SLC39A12: variants seen among roughly 807,000 people sequenced by gnomAD.
SLC39A12 encodes the protein zinc transporter ZIP12.
A neutral mutation model predicts 71.1 loss-of-function variants in SLC39A12; 63 were observed. The ratio of observed to expected loss-of-function variants is 0.89; its 90% CI spans 0.72 to 1.09. SLC39A12 has a LOEUF of 1.09. Ranked by LOEUF, SLC39A12 falls within the 50% of genes least tolerant of loss-of-function variation. SLC39A12 has a pLI of 0.00. For synonymous variants in SLC39A12, 351 were observed against 301.3 expected, an observed-to-expected ratio of 1.16 and a Z score of -1.71; for missense variants, 892 against 812.6, an observed-to-expected ratio of 1.10 and a Z score of -1.19.
chr10:18,000,876 C>T, intron 11 of SLC39A12, 51 bp downstream of exon 11: 2 of 1,531,456 alleles, frequency 1.3e-6, no homozygotes, highest in South Asian at 2.3e-5. Flanking sequence ...AAAGAAATAA[C>T]ATCTTTCCAG....
At chr10:17,975,752 C>T (rs986455206) in intron 4 of SLC39A12, among the ~76,000 whole-genome samples, 23 of 152,122 alleles carry the variant, frequency 1.5e-4, no homozygotes, top group African/African-American at 2.2e-4. Flanking sequence ...TAAAAGTCGC[C>T]GTCCTTGTGG....
intron 4 of SLC39A12, among the ~76,000 whole-genome samples, chr10:17,969,520 T>G (rs1168025139): frequency 6.6e-6 from 1 of 152,214 alleles, no homozygotes; most frequent in Non-Finnish European, 1.5e-5. Flanking sequence ...GTAGTTTTGA[T>G]TTGCATTTCT....
intron 4 of SLC39A12, among the ~76,000 whole-genome samples, chr10:17,975,587 G>C (rs1041724278): frequency 6.6e-6 from 1 of 151,938 alleles, no homozygotes; most frequent in Non-Finnish European, 1.5e-5. Flanking sequence ...CATTCCTTAA[G>C]TGGAAGTAAG....
chr10:17,970,689 TGTG>T, intron 4 of SLC39A12, among the ~76,000 whole-genome samples: 1 of 126,808 alleles, frequency 7.9e-6, no homozygotes, highest in Non-Finnish European at 1.9e-5. Flanking sequence ...TGTGTGTGTG[TGTG>T]TGTGTGTGTG....
intron 10 of SLC39A12, 138 bp downstream of exon 10, chr10:17,995,860 G>A: frequency 1.5e-6 from 1 of 663,218 alleles, no homozygotes; most frequent in East Asian, 2.9e-5. Flanking sequence ...AATAGGATTT[G>A]TAATAAAAAC....
chr10:17,967,644 G>A (rs983407098), intron 4 of SLC39A12, among the ~76,000 whole-genome samples: 1 of 151,974 alleles, frequency 6.6e-6, no homozygotes, highest in Admixed American at 6.6e-5. Context: ...AGCACTTTGG[G>A]AGGCCAAGGT....
intron 12 of SLC39A12, among the ~76,000 whole-genome samples, chr10:18,018,050 A>G (rs1836432268): frequency 6.6e-6 from 1 of 152,136 alleles, no homozygotes; most frequent in Non-Finnish European, 1.5e-5. Context: ...TAGTCTTTTG[A>G]TATCATTTGT....
intron 4 of SLC39A12, among the ~76,000 whole-genome samples, chr10:17,975,355 A>G (rs1835083154): frequency 6.6e-6 from 1 of 152,166 alleles, no homozygotes; most frequent in Admixed American, 6.5e-5. Context: ...CTGGTTGTTT[A>G]GGGTCCAAGA....
At position 18,040,084 on chromosome 10, in the gene SLC39A12, C is replaced by T. The variant is rs185325328; in HGVS notation, c.1948-2621C>T. On this transcript the variant is annotated intron_variant, in intron 12 of 12. Transcript: ENST00000377369. ...AAATATATGTAATTTAAAACATATACGTAATATATAAAACATGAAATCAGA... is the reference window on the plus strand; with the variant it reads ...AAATATATGTAATTTAAAACATATATGTAATATATAAAACATGAAATCAGA... Among the ~76,000 whole-genome samples, 5 of 152,208 alleles carry T rather than the reference C, an allele frequency of 3.3e-5. 1 individual carries two copies. The South Asian group carries it at 6.2e-4, about 19-fold the overall frequency.
chr10:17,999,533 G>A (rs1244067801), intron 10 of SLC39A12, among the ~76,000 whole-genome samples: 1 of 151,998 alleles, frequency 6.6e-6, no homozygotes, highest in Non-Finnish European at 1.5e-5. Flanking sequence ...CTCTACAATT[G>A]AGTTATGCTA....
intron 7 of SLC39A12, 115 bp downstream of exon 7, chr10:17,987,766 G>A (rs1835440196): frequency 1.8e-6 from 2 of 1,086,448 alleles, no homozygotes; most frequent in South Asian, 1.5e-5. Context: ...TATCGTGGCT[G>A]GTGTTTTCCT....
intron 12 of SLC39A12, among the ~76,000 whole-genome samples, chr10:18,008,349 G>A (rs528505123): frequency 3.9e-5 from 6 of 152,130 alleles, no homozygotes; most frequent in African/African-American, 1.4e-4. Context: ...AGAATCTAAT[G>A]CCTGATGATT....
intron 10 of SLC39A12, among the ~76,000 whole-genome samples, chr10:17,997,705 A>T (rs1047396821): frequency 6.6e-6 from 1 of 152,228 alleles, no homozygotes; most frequent in African/African-American, 2.4e-5. Context: ...TGCCAGGGAC[A>T]TACTGAATTA....
chr10:18,017,746 A>G (rs566074079), intron 12 of SLC39A12, among the ~76,000 whole-genome samples: 3 of 152,276 alleles, frequency 2.0e-5, no homozygotes, highest in Non-Finnish European at 2.9e-5. Context: ...CTATTTGTCT[A>G]TTCTTTTAGC....
intron 4 of SLC39A12, among the ~76,000 whole-genome samples, chr10:17,975,957 T>C (rs74228786): frequency 0.033 from 5,045 of 152,198 alleles, 265 homozygotes; most frequent in East Asian, 0.2. Context: ...CAGGACAGCA[T>C]TGAGTTCAAT....
intron 12 of SLC39A12, chr10:18,005,421 G>A (rs1589243285): frequency 6.6e-6 from 1 of 152,128 alleles, no homozygotes; most frequent in African/African-American, 2.4e-5. Flanking sequence ...GGTAATGTGT[G>A]GAGCACATCA....
chr10:17,967,816 G>A (rs1403152900), intron 4 of SLC39A12, among the ~76,000 whole-genome samples: 1 of 150,810 alleles, frequency 6.6e-6, no homozygotes, highest in Non-Finnish European at 1.5e-5. Context: ...GAACCCAGGA[G>A]GCGGAGCTGG....
chr10:18,002,892 A>G (rs1304133982), intron 11 of SLC39A12: 6 of 273,294 alleles, frequency 2.2e-5, no homozygotes, highest in East Asian at 7.2e-5. Flanking sequence ...ATGTCAGAGG[A>G]TATCAAGAAC....
intron 12 of SLC39A12, among the ~76,000 whole-genome samples, chr10:18,035,009 A>G (rs1361214599): frequency 2.7e-5 from 4 of 150,344 alleles, no homozygotes; most frequent in Admixed American, 6.6e-5. Flanking sequence ...GTTTCTGCCG[A>G]GAGATCCGCT....
Sources: gnomAD v4.1 joint callset for allele counts (sites outside exome capture counted in the v4.1 genomes callset) on GRCh38, gnomAD v4.1.1 for gene constraint, MANE v1.5 for transcripts, NCBI Gene and HGNC (gene_info 2026-07-23, HGNC 2026-07-21) for gene names.